HECW1: variants seen among roughly 807,000 people sequenced by gnomAD.
HECW1 encodes the protein HECT, C2 and WW domain containing E3 ubiquitin protein ligase 1.
HECW1 carries 61 observed loss-of-function variants against 182.3 expected under a neutral mutation model. That is an observed-to-expected ratio of 0.33 (90% CI 0.27 to 0.41). The LOEUF is 0.41. Among genes scored for constraint, HECW1 ranks in the 10% least tolerant of loss-of-function variants. HECW1 has a pLI of 1.00. For synonymous variants in HECW1, 859 were observed against 832.6 expected (o/e 1.03, Z -0.55); for missense variants, 1,739 against 2,108.9 (o/e 0.82, Z 3.44).
At chr7:43,144,315 T>C (rs1788471589) in intron 2 of HECW1, among the ~76,000 whole-genome samples, 1 of 152,228 alleles carries the variant, frequency 6.6e-6, no homozygotes, top group Non-Finnish European at 1.5e-5. Flanking sequence ...ATCACTTGGC[T>C]GAGGTAGTGT....
chr7:43,135,814 T>C (rs1787465175), intron 2 of HECW1, among the ~76,000 whole-genome samples: 1 of 152,228 alleles, frequency 6.6e-6, no homozygotes, highest in African/African-American at 2.4e-5. Context: ...TTGAGTTATA[T>C]CTTTTTTCAT....
intron 2 of HECW1, among the ~76,000 whole-genome samples, chr7:43,230,375 CAGAG>C (rs945989194): frequency 1.3e-5 from 2 of 152,252 alleles, no homozygotes; most frequent in African/African-American, 2.4e-5. Context: ...GCCTGGGTGA[CAGAG>C]AGAGACTCTG....
In HECW1 at chr7:43,407,621, A is replaced by T; in HGVS notation, c.691A>T (p.Ile231Phe). ...TTTCAACCCAGACCCTTATCTGAAG[A>T]TTTCCATTCAGCCTGGGAAACACAG... ...MFFNPDPYLKISIQPGKHSIF... is the reference protein window; with the variant it reads ...MFFNPDPYLKFSIQPGKHSIF... The change falls in exon 8 of 30, where the codon ATT becomes TTT. Residue 231 changes from isoleucine to phenylalanine, a missense_variant. Ile to Phe is a conservative substitution (Grantham distance 21, BLOSUM62 0). Coordinates refer to ENST00000395891, the MANE Select transcript of HECW1 (RefSeq NM_015052.5). 1 of 1,613,802 alleles carries T rather than the reference A, an allele frequency of 6.2e-7. No individual in the cohort carries two copies. The highest frequency in any genetic ancestry group is 8.5e-7 in the Non-Finnish European group (1 of 1,179,802).
chr7:43,128,027 C>T (rs1786471391), intron 2 of HECW1, among the ~76,000 whole-genome samples: 1 of 152,036 alleles, frequency 6.6e-6, no homozygotes, highest in South Asian at 2.1e-4. Flanking sequence ...AACAGGTGCG[C>T]ACCACCACAT....
intron 2 of HECW1, among the ~76,000 whole-genome samples, chr7:43,114,804 T>C (rs1784913191): frequency 6.6e-6 from 1 of 152,126 alleles, no homozygotes; most frequent in South Asian, 2.1e-4. Context: ...ATTGACTTGA[T>C]AGGGAGGTCA....
chr7:43,327,863 A>G (rs1810989930), intron 5 of HECW1, among the ~76,000 whole-genome samples: 1 of 152,144 alleles, frequency 6.6e-6, no homozygotes, highest in Non-Finnish European at 1.5e-5. Context: ...GAAAGAACAT[A>G]ATAGTGATTA....
intron 8 of HECW1, among the ~76,000 whole-genome samples, chr7:43,425,803 G>A (rs1006995604): frequency 6.6e-6 from 1 of 152,082 alleles, no homozygotes; most frequent in African/African-American, 2.4e-5. Flanking sequence ...TGAGGGCAGA[G>A]CCTTCATGAC....
intron 2 of HECW1, among the ~76,000 whole-genome samples, chr7:43,165,731 G>C (rs1583780942): frequency 2.6e-5 from 4 of 152,222 alleles, no homozygotes; most frequent in Admixed American, 2.6e-4. Context: ...GCCAGCAGTT[G>C]TGAAAATATG....
chr7:43,345,395 A>C (rs967373974), intron 5 of HECW1, among the ~76,000 whole-genome samples: 13 of 152,196 alleles, frequency 8.5e-5, no homozygotes, highest in African/African-American at 2.9e-4. Flanking sequence ...AGTTACTGAA[A>C]TCATTCTCTT....
At chr7:43,264,861 A>AC (rs995704166) in intron 3 of HECW1, among the ~76,000 whole-genome samples, 1 of 151,594 alleles carries the variant, frequency 6.6e-6, no homozygotes, top group Admixed American at 6.6e-5. Context: ...AAAAAAAAAA[A>AC]AATTGCTATT....
chr7:43,472,018 G>A (rs530974907), intron 16 of HECW1, among the ~76,000 whole-genome samples: 17 of 152,214 alleles, frequency 1.1e-4, no homozygotes, highest in Admixed American at 6.5e-4. Flanking sequence ...GGAAAAAGCC[G>A]CAAACAGAAA....
At chr7:43,451,679 T>C (rs949406835) in intron 12 of HECW1, among the ~76,000 whole-genome samples, 17 of 152,218 alleles carry the variant, frequency 1.1e-4, no homozygotes, top group African/African-American at 3.1e-4. Flanking sequence ...TTTAACTTCA[T>C]AATACTCCAT....
chr7:43,352,936 T>C (rs1344040897), intron 5 of HECW1, among the ~76,000 whole-genome samples: 3 of 152,144 alleles, frequency 2.0e-5, no homozygotes, highest in Non-Finnish European at 4.4e-5. Flanking sequence ...ACTAATCCCT[T>C]AACAGTGTAG....
intron 5 of HECW1, among the ~76,000 whole-genome samples, chr7:43,357,651 C>G (rs765558): frequency 0.64 from 97,597 of 151,750 alleles, 31,864 homozygotes; most frequent in African/African-American, 0.75. Context: ...GTGTTTGATA[C>G]ATCAATAGAG....
chr7:43,368,338 C>G (rs748234055), intron 6 of HECW1, among the ~76,000 whole-genome samples: 1 of 152,182 alleles, frequency 6.6e-6, no homozygotes, highest in Non-Finnish European at 1.5e-5. Flanking sequence ...GTGCACACAC[C>G]ACAGCCATGA....
At chr7:43,271,257 A>C (rs1169927354) in intron 3 of HECW1, among the ~76,000 whole-genome samples, 1 of 152,220 alleles carries the variant, frequency 6.6e-6, no homozygotes, top group Non-Finnish European at 1.5e-5. Flanking sequence ...TGACAACATC[A>C]TATGGAATGA....
At chr7:43,283,876 C>A (rs936864981) in intron 3 of HECW1, among the ~76,000 whole-genome samples, 5 of 152,204 alleles carry the variant, frequency 3.3e-5, no homozygotes, top group Admixed American at 6.5e-5. Context: ...ATTAAATTGT[C>A]ATTTCTCCTA....
intron 17 of HECW1, among the ~76,000 whole-genome samples, chr7:43,480,624 CGTGTGTGTGTGTGTACATAT>C (rs1287549736): frequency 6.9e-6 from 1 of 145,618 alleles, no homozygotes; most frequent in African/African-American, 2.5e-5. Flanking sequence ...TGTGTGTGTG[CGTGTGTGTGTGTGTACATAT>C]GTGTGTGTGT....
At chr7:43,352,256 G>C (rs1249906852) in intron 5 of HECW1, among the ~76,000 whole-genome samples, 1 of 152,064 alleles carries the variant, frequency 6.6e-6, no homozygotes, top group South Asian at 2.1e-4. Context: ...AATTAAATTT[G>C]AATTTAAAAT....
Sources: allele counts gnomAD v4.1 joint callset (sites outside exome capture counted in the v4.1 genomes callset), GRCh38; gene constraint gnomAD v4.1.1; transcripts MANE v1.5; gene names NCBI Gene and HGNC (gene_info 2026-07-23, HGNC 2026-07-21).